The following HDX variants were observed in gnomAD, a reference collection of about 807,000 sequenced individuals.
HDX encodes highly divergent homeobox.
In HDX, 19 loss-of-function variants were observed where a neutral mutation model predicts 45.2. The observed-to-expected ratio is 0.42, with a 90% CI of 0.29 to 0.62. The LOEUF (loss-of-function observed/expected upper bound fraction) is 0.62. Ranked by LOEUF, HDX falls within the 20% of genes least tolerant of loss-of-function variation. The pLI is 0.20. For synonymous variants in HDX, 188 were observed against 172.8 expected (o/e 1.09, Z -0.69); for missense variants, 532 against 493.9 (o/e 1.08, Z -0.73).
chrX:84,437,107 G>A (rs1400993493), intron 5 of HDX, among the ~76,000 whole-genome samples: 1 of 110,986 alleles, frequency 9.0e-6, no homozygotes, highest in Non-Finnish European at 1.9e-5. Context: ...GAAAGTTAAA[G>A]GATGGAAAAT....
rs144462198 is a variant in HDX at position 84,410,910 on chromosome X, T to C, written c.1305+29622A>G. On this transcript the variant is annotated intron_variant, in intron 5 of 10. Transcript: ENST00000373177. ...TAAATCTTGGAGGGTTGTATGTTTCTAGAAATTTATCCATTTTTTCTAGGT... is the reference window on the plus strand; with the variant it reads ...TAAATCTTGGAGGGTTGTATGTTTCCAGAAATTTATCCATTTTTTCTAGGT... Among the ~76,000 whole-genome samples the C allele has an allele frequency of 5.3e-4, 59 of 111,471 alleles. No individual in the cohort carries two copies. In the East Asian group the frequency reaches 0.016, roughly 31 times the overall value.
chrX:84,375,255 T>G (rs1402970404), intron 5 of HDX, among the ~76,000 whole-genome samples: 30 of 110,709 alleles, frequency 2.7e-4, no homozygotes, highest in African/African-American at 7.0e-4. Context: ...ACAGGTGCTG[T>G]AGAGGATGTG....
intron 5 of HDX, among the ~76,000 whole-genome samples, chrX:84,400,005 T>C (rs139558666): frequency 0.011 from 1,253 of 111,623 alleles, 12 homozygotes; most frequent in Middle Eastern, 0.019. Context: ...TTTGATAAAA[T>C]TCAACATCTC....
chrX:84,438,007 G>A (rs1345667824), intron 5 of HDX, among the ~76,000 whole-genome samples: 2 of 110,900 alleles, frequency 1.8e-5, no homozygotes, highest in Non-Finnish European at 3.8e-5. Context: ...GAGTTGCCAG[G>A]CTCACTTCAT....
intron 5 of HDX, among the ~76,000 whole-genome samples, chrX:84,402,415 C>T (rs188144570): frequency 1.0e-3 from 116 of 111,436 alleles, no homozygotes; most frequent in Non-Finnish European, 1.6e-3. Flanking sequence ...AAATATCTTA[C>T]GTTTTACCTA....
intron 7 of HDX, among the ~76,000 whole-genome samples, chrX:84,343,670 A>G (rs2037136248): frequency 9.0e-6 from 1 of 111,353 alleles, no homozygotes; most frequent in Non-Finnish European, 1.9e-5. Context: ...AATCCTATCT[A>G]TGCTTGAGGA....
intron 2 of HDX, among the ~76,000 whole-genome samples, chrX:84,486,145 C>G (rs1429436247): frequency 9.0e-6 from 1 of 110,626 alleles, no homozygotes; most frequent in Non-Finnish European, 1.9e-5. Context: ...TATCTGAATA[C>G]TTTTTGGTAT....
chrX:84,447,811 G>T (rs188173924), intron 4 of HDX, among the ~76,000 whole-genome samples: 1 of 111,322 alleles, frequency 9.0e-6, no homozygotes, highest in East Asian at 2.8e-4. Flanking sequence ...TAGTATCAGG[G>T]CTGCCTCACA....
intron 5 of HDX, among the ~76,000 whole-genome samples, chrX:84,408,157 A>G (rs1031448808): frequency 9.0e-6 from 1 of 111,326 alleles, no homozygotes; most frequent in Non-Finnish European, 1.9e-5. Context: ...GATATCTTCC[A>G]GGGTTTTTAT....
chrX:84,435,019 T>G (rs1018308063), intron 5 of HDX, among the ~76,000 whole-genome samples: 1 of 111,123 alleles, frequency 9.0e-6, no homozygotes, highest in Non-Finnish European at 1.9e-5. Flanking sequence ...TGACATCTCC[T>G]TTTGCATTTC....
rs995128473 is a variant in HDX at position 84,318,753 on chromosome X, G to T, written c.*3136C>A. 1.8e-5 allele frequency: 2 copies of T among 110,877 alleles called. No homozygotes were observed. The highest frequency in any genetic ancestry group is 3.8e-5 in the Non-Finnish European group (2 of 52,467). 9.1% of individuals were successfully genotyped at this position (110,877 alleles called of 1,213,427 possible). ...GGTCTTGGTCGAATAAAGAGTACAG[G>T]GTATAATTGGGTCTCAGCCTTTTCT... is the stretch of plus-strand genomic sequence containing the variant. On this transcript the variant is annotated 3_prime_UTR_variant, in exon 11 of 11. Coordinates refer to ENST00000373177, the MANE Select transcript of HDX (RefSeq NM_001177479.2).
intron 2 of HDX, among the ~76,000 whole-genome samples, chrX:84,483,080 C>T (rs1159626803): frequency 2.7e-5 from 3 of 111,765 alleles, no homozygotes; most frequent in Non-Finnish European, 3.8e-5. Flanking sequence ...GCTTGGGCAG[C>T]TCCAACTTTG....
chrX:84,341,976 A>G (rs780235167), intron 7 of HDX, among the ~76,000 whole-genome samples: 1 of 111,188 alleles, frequency 9.0e-6, no homozygotes, highest in East Asian at 2.9e-4. Flanking sequence ...TTTCTCCTCC[A>G]ATGCCCAAAT....
intron 6 of HDX, among the ~76,000 whole-genome samples, chrX:84,358,482 G>A (rs1408195649): frequency 1.8e-5 from 2 of 110,256 alleles, no homozygotes; most frequent in African/African-American, 6.6e-5. Flanking sequence ...TTTTTTTCTT[G>A]TGTCATCCCT....
intron 4 of HDX, among the ~76,000 whole-genome samples, chrX:84,447,830 C>A (rs1237197969): frequency 9.0e-6 from 1 of 111,344 alleles, no homozygotes; most frequent in Non-Finnish European, 1.9e-5. Flanking sequence ...CATTTAATAG[C>A]ACCTTGAGAA....
chrX:84,355,797 A>G (rs1053341727), intron 6 of HDX, among the ~76,000 whole-genome samples: 7 of 109,572 alleles, frequency 6.4e-5, no homozygotes, highest in Non-Finnish European at 1.1e-4. Context: ...AACATGGCAC[A>G]AGTATACGCA....
intron 6 of HDX, among the ~76,000 whole-genome samples, chrX:84,360,394 T>C (rs953904653): frequency 4.5e-5 from 5 of 112,284 alleles, no homozygotes; most frequent in Admixed American, 2.8e-4. Context: ...TCACCTCATG[T>C]AATTTTTAAA....
chrX:84,475,537 A>T (rs949073516), intron 2 of HDX, 140 bp from the exon 3 acceptor site: 6 of 409,220 alleles, frequency 1.5e-5, no homozygotes, highest in Non-Finnish European at 2.5e-5. Flanking sequence ...GTAGTGGGCA[A>T]TAATTTGTGT....
intron 5 of HDX, among the ~76,000 whole-genome samples, chrX:84,396,841 G>A (rs776898262): frequency 2.7e-5 from 3 of 111,181 alleles, no homozygotes; most frequent in East Asian, 5.7e-4. Flanking sequence ...ACTCTGGCAT[G>A]AGGGGGTGAA....
Sources: gnomAD v4.1 joint callset for allele counts (sites outside exome capture counted in the v4.1 genomes callset) on GRCh38, gnomAD v4.1.1 for gene constraint, MANE v1.5 for transcripts, NCBI Gene and HGNC (gene_info 2026-07-23, HGNC 2026-07-21) for gene names.